The following MEF2C variants were observed in gnomAD, a reference collection of about 807,000 sequenced individuals.
MEF2C encodes myocyte-specific enhancer factor 2C.
Under a neutral mutation model 50.5 loss-of-function variants are expected in MEF2C, and 6 were observed. The observed-to-expected ratio is 0.12, with a 90% CI of 0.07 to 0.23. MEF2C has a LOEUF of 0.23. Among genes scored for constraint, MEF2C ranks in the 10% least tolerant of loss-of-function variants. The pLI is 1.00. For missense variants in MEF2C, 276 were observed against 605.0 expected, an observed-to-expected ratio of 0.46 and a Z score of 5.70; for synonymous variants, 183 against 228.0, an observed-to-expected ratio of 0.80 and a Z score of 1.78.
At position 88,825,462 on chromosome 5, in the gene MEF2C, T is replaced by C. The variant is rs1000152011; in HGVS notation, c.-142-1532A>G. 18 of 981,880 alleles carry C rather than the reference T, an allele frequency of 1.8e-5. No individual in the cohort carries two copies. In the African/African-American group the frequency reaches 2.3e-4, roughly 12 times the overall value. The allele number at this position is 981,880 out of a possible 1,614,324, so 60.8% of individuals were successfully genotyped here. A position where few individuals can be genotyped will look rare whatever the true frequency, so the allele number is the denominator to read the frequency against. On this transcript the variant is annotated intron_variant, in intron 1 of 10. Coordinates refer to ENST00000504921, the MANE Select transcript of MEF2C (RefSeq NM_002397.5). ...TAACATTATGACCACACAGTGCTCA[T>C]CAAAAACTATTGCTCCAGCTGTAAT...
At position 88,717,439 on chromosome 5, in the gene MEF2C, T is replaced by G. The variant is rs894755311; in HGVS notation, c.*5165A>C. ...ATCTCCTATTAGTTTATAAGTTTCCTAAGAGAAAGGGCTACAACTTCATTC... is the reference window on the plus strand; with the variant it reads ...ATCTCCTATTAGTTTATAAGTTTCCGAAGAGAAAGGGCTACAACTTCATTC... On this transcript the variant is annotated 3_prime_UTR_variant, in exon 11 of 11. Coordinates refer to ENST00000504921, the MANE Select transcript of MEF2C (RefSeq NM_002397.5). The G allele has an allele frequency of 6.6e-6, 1 of 152,228 alleles. No homozygotes were observed. The allele number at this position is 152,228 out of a possible 1,614,324, so 9.4% of individuals were successfully genotyped here.
chr5:88,866,166 G>A (rs1581748865), intron 1 of MEF2C, among the ~76,000 whole-genome samples: 1 of 152,182 alleles, frequency 6.6e-6, no homozygotes, highest in East Asian at 1.9e-4. Flanking sequence ...AAAGTGCTGG[G>A]ATTACAGGAG....
At chr5:88,806,546 C>A (rs930744251) in intron 2 of MEF2C, among the ~76,000 whole-genome samples, 19 of 152,156 alleles carry the variant, frequency 1.2e-4, no homozygotes, top group African/African-American at 3.6e-4. Context: ...CACCCTCCCC[C>A]ACAACTAAAT....
At chr5:88,880,999 A>C (rs1832662163) in intron 1 of MEF2C, 1 of 152,160 alleles carries the variant, frequency 6.6e-6, no homozygotes, top group Non-Finnish European at 1.5e-5. Context: ...TGAATGAAGT[A>C]AAATGCTGCC....
At chr5:88,874,026 C>G (rs1004390592) in intron 1 of MEF2C, among the ~76,000 whole-genome samples, 1 of 151,734 alleles carries the variant, frequency 6.6e-6, no homozygotes, top group Non-Finnish European at 1.5e-5. Flanking sequence ...TAAACCTTTA[C>G]AAAAAGACCA....
chr5:88,829,677 C>G lies in MEF2C; in HGVS notation c.-142-5747G>C, dbSNP rs553139124. On this transcript the variant is annotated intron_variant, in intron 1 of 10. Coordinates refer to ENST00000504921, the MANE Select transcript of MEF2C (RefSeq NM_002397.5). ...TTAATACTTCGCCATATTTACATAG[C>G]ATCTCCTATGTGGAATTAGAATAAT... Among the ~76,000 whole-genome samples, 377 of 152,134 alleles carry G rather than the reference C, an allele frequency of 2.5e-3. 2 individuals are homozygous for G. The highest frequency in any genetic ancestry group is 8.7e-3 in the African/African-American group (363 of 41,540).
At position 88,729,290 on chromosome 5, in the gene MEF2C, C is replaced by T. The variant is rs749895889; in HGVS notation, c.892G>A (p.Val298Ile). 13 of 1,612,568 alleles carry T rather than the reference C, an allele frequency of 8.1e-6. No homozygotes were observed. Among genetic ancestry groups the T allele is most frequent in the South Asian group, 4.4e-5 (4 of 91,060 alleles). ...AQSLATPVVS[V>I]ATPTLPGQGM... ...TGTCCTGGTAAAGTAGGAGTTGCTA[C>T]GGAAACCACTGGGGTAGCCAATGAC... Residue 298 changes from valine (V) to isoleucine (I), a missense_variant, in exon 9 of 11, where the codon GTA (valine) becomes ATA (isoleucine). Val to Ile is a conservative substitution (Grantham distance 29). Around this residue, in one of 2 missense-constraint regions of MEF2C, gnomAD observed 256 missense variants for 468.1 expected, o/e 0.55. Coordinates refer to ENST00000504921, the MANE Select transcript of MEF2C (RefSeq NM_002397.5).
chr5:88,878,033 G>A (rs1461001810), intron 1 of MEF2C: 1 of 151,976 alleles, frequency 6.6e-6, no homozygotes, highest in Non-Finnish European at 1.5e-5. Context: ...TGAACGAAAG[G>A]AACACACCCC....
chr5:88,774,695 T>C (rs1784003187), intron 3 of MEF2C, among the ~76,000 whole-genome samples: 1 of 152,182 alleles, frequency 6.6e-6, no homozygotes, highest in African/African-American at 2.4e-5. Context: ...ACTCACCTAA[T>C]ATGTGAATTT....
At chr5:88,761,807 AGC>A in intron 3 of MEF2C, 2 of 157,884 alleles carry the variant, frequency 1.3e-5, no homozygotes, top group Non-Finnish European at 2.8e-5. Context: ...CTGTCCCCAC[AGC>A]CTCCACTTCT....
intron 1 of MEF2C, among the ~76,000 whole-genome samples, chr5:88,898,030 A>T (rs950311586): frequency 6.6e-6 from 1 of 151,852 alleles, no homozygotes; most frequent in Admixed American, 6.6e-5. Flanking sequence ...TTTGCATGCT[A>T]CTCTCTTAAG....
At chr5:88,738,897 T>C (rs1360563135) in intron 6 of MEF2C, 1 of 985,152 alleles carries the variant, frequency 1.0e-6, no homozygotes, top group Non-Finnish European at 1.2e-6. Flanking sequence ...TATTTACAAG[T>C]AGGAAATACT....
chr5:88,784,688 T>A (rs1789964123), intron 3 of MEF2C, among the ~76,000 whole-genome samples: 1 of 152,208 alleles, frequency 6.6e-6, no homozygotes. Context: ...TTTCCCAAAC[T>A]GAATTTATCC....
At chr5:88,892,167 G>A (rs1470230076) in intron 1 of MEF2C, 1 of 151,712 alleles carries the variant, frequency 6.6e-6, no homozygotes, top group Non-Finnish European at 1.5e-5. Flanking sequence ...ACTTCTTCAG[G>A]TGCTTGTAGA....
chr5:88,785,452 A>T (rs757100084), intron 3 of MEF2C: 7 of 152,146 alleles, frequency 4.6e-5, no homozygotes, highest in Non-Finnish European at 1.0e-4. Flanking sequence ...GAGTGAAAAT[A>T]ATAATTTTAA....
chr5:88,825,221 C>T (rs1810297903), intron 1 of MEF2C, among the ~76,000 whole-genome samples: 1 of 150,692 alleles, frequency 6.6e-6, no homozygotes, highest in South Asian at 2.1e-4. Context: ...TAGCTGTCTT[C>T]TGATTTCTTT....
At chr5:88,771,801 T>C (rs561899545) in intron 3 of MEF2C, 1 of 173,272 alleles carries the variant, frequency 5.8e-6, no homozygotes, top group East Asian at 1.9e-4. Flanking sequence ...GGAGTACAAG[T>C]TCTGGTAGGT....
chr5:88,825,560 AAT>A (rs1810497501), intron 1 of MEF2C: 2 of 980,330 alleles, frequency 2.0e-6, no homozygotes, highest in Non-Finnish European at 2.4e-6. Flanking sequence ...TACATATAAA[AAT>A]AGTTATAACA....
At chr5:88,800,927 G>T (rs1298194431) in intron 3 of MEF2C, among the ~76,000 whole-genome samples, 3 of 152,218 alleles carry the variant, frequency 2.0e-5, no homozygotes, top group East Asian at 1.9e-4. Flanking sequence ...TAAAAAAACT[G>T]ATCTCAGTCT....
Sources: allele counts gnomAD v4.1 joint callset (sites outside exome capture counted in the v4.1 genomes callset), GRCh38; gene constraint gnomAD v4.1.1; regional missense constraint gnomAD v4.1.1; transcripts MANE v1.5; gene names NCBI Gene and HGNC (gene_info 2026-07-23, HGNC 2026-07-21).